CACNA1E: variants seen among roughly 807,000 people sequenced by gnomAD.
The protein encoded by CACNA1E is calcium voltage-gated channel subunit alpha1 E, also known as voltage-dependent R-type calcium channel subunit alpha-1E.
A neutral mutation model predicts 259.2 loss-of-function variants in CACNA1E; 40 were observed. The observed-to-expected ratio is 0.15, with a 90% CI of 0.12 to 0.20. CACNA1E has a LOEUF of 0.20. CACNA1E is among the 10% of genes least tolerant of loss of function. The pLI is 1.00. For synonymous variants in CACNA1E, 1,104 were observed against 1,138.5 expected (o/e 0.97, Z 0.61); for missense variants, 1,874 against 3,040.1 (o/e 0.62, Z 9.02).
chr1:181,524,953 G>A (rs1428074758), intron 3 of CACNA1E, among the ~76,000 whole-genome samples: 1 of 152,116 alleles, frequency 6.6e-6, no homozygotes, highest in Non-Finnish European at 1.5e-5. Context: ...TATAATAAAT[G>A]TTTTCTTCTA....
At chr1:181,735,915 G>A (rs753343639) in intron 21 of CACNA1E, among the ~76,000 whole-genome samples, 1 of 152,086 alleles carries the variant, frequency 6.6e-6, no homozygotes, top group Non-Finnish European at 1.5e-5. Flanking sequence ...CAGTAAGTGA[G>A]CATGTACAAA....
intron 18 of CACNA1E, among the ~76,000 whole-genome samples, chr1:181,729,978 T>G (rs755363604): frequency 2.0e-5 from 3 of 152,164 alleles, no homozygotes; most frequent in Admixed American, 6.5e-5. Context: ...AGGTCACTGA[T>G]GCTGAGGGTT....
intron 2 of CACNA1E, among the ~76,000 whole-genome samples, chr1:181,449,181 A>G (rs570018069): frequency 5.3e-5 from 8 of 152,278 alleles, no homozygotes; most frequent in Admixed American, 2.0e-4. Flanking sequence ...TGGGTAGACT[A>G]TTGATGCTGT....
At chr1:181,426,976 C>T (rs527287885) in intron 2 of CACNA1E, among the ~76,000 whole-genome samples, 1 of 150,754 alleles carries the variant, frequency 6.6e-6, no homozygotes, top group African/African-American at 2.4e-5. Flanking sequence ...CCCTTCCCAT[C>T]TCAACCCTTT....
rs371359893 is a variant in CACNA1E, at chr1:181,796,865, G to A, written c.6399+7G>A. The stretch of plus-strand genomic sequence containing the variant: ...ACAGACGCCCAACAGACAGGTGAGC[G>A]CAGAGAGGAAGCCAGTCTACAGCAG... On this transcript the variant is annotated splice_region_variant and intron_variant, in intron 47 of 47. Coordinates refer to ENST00000367573, the MANE Select transcript of CACNA1E (RefSeq NM_001205293.3). The A allele has an allele frequency of 4.6e-5, 73 of 1,577,202 alleles. No homozygotes were observed. In the East Asian group the frequency reaches 5.8e-4, roughly 12 times the overall value.
intron 1 of CACNA1E, 124 bp downstream of exon 1, chr1:181,484,134 A>T: frequency 1.0e-6 from 1 of 975,562 alleles, no homozygotes; most frequent in Non-Finnish European, 1.6e-6. Flanking sequence ...TTGCTGAAGC[A>T]CACTCTTCGG....
intron 43 of CACNA1E, among the ~76,000 whole-genome samples, chr1:181,787,010 T>C (rs556685070): frequency 6.6e-6 from 1 of 152,148 alleles, no homozygotes; most frequent in East Asian, 1.9e-4. Context: ...AATTCTCCTG[T>C]CCACAGAAAA....
chr1:181,638,947 G>A (rs1657484726), intron 6 of CACNA1E, among the ~76,000 whole-genome samples: 1 of 152,168 alleles, frequency 6.6e-6, no homozygotes, highest in African/African-American at 2.4e-5. Flanking sequence ...GCCTAGCCTT[G>A]GGCAGTTCTT....
At chr1:181,428,902 C>T (rs67766827) in intron 2 of CACNA1E, among the ~76,000 whole-genome samples, 60,535 of 151,954 alleles carry the variant, frequency 0.4, 12,339 homozygotes, top group African/African-American at 0.46. Flanking sequence ...GTAAAGGAGG[C>T]CGGGTGCGGT....
At chr1:181,536,358 C>T (rs936201567) in intron 3 of CACNA1E, among the ~76,000 whole-genome samples, 3 of 152,066 alleles carry the variant, frequency 2.0e-5, no homozygotes, top group African/African-American at 7.2e-5. Context: ...GAACACTGCT[C>T]AGTTCAGTTT....
chr1:181,792,572 C>T (rs1661418562), intron 44 of CACNA1E, among the ~76,000 whole-genome samples: 1 of 152,226 alleles, frequency 6.6e-6, no homozygotes, highest in Admixed American at 6.5e-5. Context: ...CACCATAGCA[C>T]ATGTCTTGGG....
intron 1 of CACNA1E, among the ~76,000 whole-genome samples, chr1:181,502,022 T>G (rs1329790368): frequency 6.6e-6 from 1 of 152,166 alleles, no homozygotes; most frequent in African/African-American, 2.4e-5. Context: ...TGGGACAGTA[T>G]GGAGTAGGCA....
At chr1:181,775,741 T>G (rs1048353838) in intron 37 of CACNA1E, among the ~76,000 whole-genome samples, 1 of 152,258 alleles carries the variant, frequency 6.6e-6, no homozygotes. Context: ...TAAACAAAGC[T>G]TAACCAGAAC....
chr1:181,597,345 G>A (rs1653285520), intron 6 of CACNA1E, among the ~76,000 whole-genome samples: 1 of 152,194 alleles, frequency 6.6e-6, no homozygotes, highest in African/African-American at 2.4e-5. Flanking sequence ...AATGGCTTCA[G>A]TCTGCCCCTT....
At chr1:181,737,826 T>G (rs1157012010) in intron 23 of CACNA1E, among the ~76,000 whole-genome samples, 172 bp downstream of exon 23, 1 of 152,234 alleles carries the variant, frequency 6.6e-6, no homozygotes, top group Non-Finnish European at 1.5e-5. Context: ...GACAAGCCCC[T>G]TCTTAGCCCA....
At chr1:181,717,053 A>T in intron 10 of CACNA1E, 40 bp from the exon 11 acceptor site, 1 of 1,561,774 alleles carries the variant, frequency 6.4e-7, no homozygotes, top group Non-Finnish European at 8.8e-7. Context: ...GGACCACAGG[A>T]TATTTTGCAG....
At position 181,785,822 on chromosome 1, in the gene CACNA1E, G is replaced by A. The variant is rs1482680946; in HGVS notation, c.5786+3G>A. 117 of 1,584,440 alleles carry A rather than the reference G, an allele frequency of 7.4e-5. No homozygotes were observed. The highest frequency in any genetic ancestry group is 1.0e-4 in the Non-Finnish European group (116 of 1,161,996). On this transcript the variant is annotated splice_donor_region_variant and intron_variant, in intron 43 of 47. Transcript: ENST00000367573. ...CAGCAGGACCCCGTTTCAGGCCTGT[G>A]AGTAGCACCAAAACATCCCTGGCAT...
rs138475680 is a variant in CACNA1E at position 181,655,098 on chromosome 1, TAC to T, written c.1055+3659_1055+3660del. ...CATAAAACTACATGCACACAAAATA[TAC>T]AGTTTGTGAAAATACATTCAAATCA... On this transcript the variant is annotated intron_variant, in intron 7 of 47. Transcript: ENST00000367573. 2.6e-3 allele frequency among the ~76,000 whole-genome samples: 401 copies of T among 151,864 alleles called. 3 individuals carry two copies. Among genetic ancestry groups the T allele is most frequent in the African/African-American group, 9.1e-3 (379 of 41,444 alleles).
At chr1:181,507,191 G>T (rs973848269) in intron 1 of CACNA1E, among the ~76,000 whole-genome samples, 2 of 152,166 alleles carry the variant, frequency 1.3e-5, no homozygotes, top group African/African-American at 4.8e-5. Context: ...CCCACCTTTA[G>T]ATTCTAGACT....
Sources: allele counts gnomAD v4.1 joint callset (sites outside exome capture counted in the v4.1 genomes callset), GRCh38; gene constraint gnomAD v4.1.1; transcripts MANE v1.5; gene names NCBI Gene and HGNC (gene_info 2026-07-23, HGNC 2026-07-21).